SLC4A4: variants seen among roughly 807,000 people sequenced by gnomAD.
SLC4A4 encodes electrogenic sodium bicarbonate cotransporter 1.
Under a neutral mutation model 111.5 loss-of-function variants are expected in SLC4A4, and 27 were observed. The ratio of observed to expected loss-of-function variants is 0.24; its 90% CI spans 0.18 to 0.33. SLC4A4 has a LOEUF of 0.33. Ranked by LOEUF, SLC4A4 falls within the 10% of genes least tolerant of loss-of-function variation. The pLI is 1.00. For missense variants in SLC4A4, 909 were observed against 1,315.5 expected (o/e 0.69, Z 4.78); for synonymous variants, 443 against 463.4 (o/e 0.96, Z 0.57).
intron 14 of SLC4A4, among the ~76,000 whole-genome samples, chr4:71,486,595 T>TA (rs1362943890): frequency 3.3e-5 from 5 of 151,498 alleles, no homozygotes; most frequent in Non-Finnish European, 5.9e-5. Flanking sequence ...GTGGTCAACT[T>TA]AATCAATTAT....
chr4:71,439,252 C>T (rs1724449713), intron 7 of SLC4A4, among the ~76,000 whole-genome samples: 1 of 151,006 alleles, frequency 6.6e-6, no homozygotes, highest in Non-Finnish European at 1.5e-5. Flanking sequence ...TATGGTGAAA[C>T]TCTCTCTCTA....
chr4:71,283,185 A>T (rs1187728729), intron 3 of SLC4A4, among the ~76,000 whole-genome samples: 1 of 152,210 alleles, frequency 6.6e-6, no homozygotes, highest in Admixed American at 6.5e-5. Context: ...TTGGAACATC[A>T]TTGAAACCTT....
intron 11 of SLC4A4, among the ~76,000 whole-genome samples, chr4:71,452,031 G>T (rs1457655561): frequency 6.6e-6 from 1 of 151,920 alleles, no homozygotes; most frequent in Non-Finnish European, 1.5e-5. Flanking sequence ...CCTTTTATTG[G>T]GTGTTAAGTA....
chr4:71,377,218 ACTT>A (rs1324739965), intron 6 of SLC4A4, among the ~76,000 whole-genome samples: 1 of 152,220 alleles, frequency 6.6e-6, no homozygotes, highest in Non-Finnish European at 1.5e-5. Context: ...GATAACTGCT[ACTT>A]CTTTGTGTCT....
intron 2 of SLC4A4, among the ~76,000 whole-genome samples, chr4:71,146,959 T>A (rs1449459535): frequency 6.6e-6 from 1 of 151,704 alleles, no homozygotes; most frequent in Admixed American, 6.6e-5. Flanking sequence ...GGATAAAGAG[T>A]CAAGACCCAT....
At chr4:71,286,043 T>C (rs2579318) in intron 3 of SLC4A4, among the ~76,000 whole-genome samples, 20,974 of 151,980 alleles carry the variant, frequency 0.14, 2,203 homozygotes, top group African/African-American at 0.25. Flanking sequence ...TCGAGACCGT[T>C]CTGGCTAACA....
At chr4:71,171,694 C>T (rs1357960968) in intron 2 of SLC4A4, among the ~76,000 whole-genome samples, 1 of 152,176 alleles carries the variant, frequency 6.6e-6, no homozygotes, top group African/African-American at 2.4e-5. Context: ...TAGTACAGCA[C>T]CACTATACCT....
chr4:71,405,533 G>C (rs1720762555), intron 7 of SLC4A4, among the ~76,000 whole-genome samples: 1 of 152,058 alleles, frequency 6.6e-6, no homozygotes. Context: ...CCTTTAAGAA[G>C]TATCCTTATT....
chr4:71,521,439 G>A (rs184090253), intron 16 of SLC4A4, among the ~76,000 whole-genome samples: 20 of 152,050 alleles, frequency 1.3e-4, no homozygotes, highest in African/African-American at 3.6e-4. Flanking sequence ...TTACTGTGTC[G>A]CCCAGGCTAG....
intron 16 of SLC4A4, among the ~76,000 whole-genome samples, chr4:71,515,907 T>G (rs1732334967): frequency 6.6e-6 from 1 of 152,000 alleles, no homozygotes; most frequent in East Asian, 1.9e-4. Context: ...GCTACTTTTG[T>G]AAGTCCAGTC....
intron 3 of SLC4A4, among the ~76,000 whole-genome samples, chr4:71,287,518 C>G (rs868092574): frequency 6.6e-6 from 1 of 152,174 alleles, no homozygotes; most frequent in Non-Finnish European, 1.5e-5. Flanking sequence ...TACCAGCTGG[C>G]ATTTGACCTT....
chr4:71,468,163 C>T (rs1367702353), intron 13 of SLC4A4, among the ~76,000 whole-genome samples: 5 of 152,118 alleles, frequency 3.3e-5, no homozygotes, highest in Non-Finnish European at 4.4e-5. Flanking sequence ...AATCCCTTCT[C>T]TATCATAATT....
intron 14 of SLC4A4, among the ~76,000 whole-genome samples, chr4:71,481,263 G>A (rs950422178): frequency 4.0e-5 from 6 of 151,710 alleles, no homozygotes; most frequent in South Asian, 2.1e-4. Flanking sequence ...CATAAAAGCA[G>A]ACAGATATGA....
chr4:71,220,322 T>C (rs1029942362), intron 1 of SLC4A4, among the ~76,000 whole-genome samples: 1 of 152,202 alleles, frequency 6.6e-6, no homozygotes, highest in Non-Finnish European at 1.5e-5. Context: ...ATAATGCTAT[T>C]GCACACAATA....
chr4:71,336,460 A>C (rs1728440913), intron 3 of SLC4A4, among the ~76,000 whole-genome samples: 1 of 152,256 alleles, frequency 6.6e-6, no homozygotes, highest in South Asian at 2.1e-4. Context: ...TATTCAGTAC[A>C]CAGTAATTTA....
chr4:71,538,075 C>G (rs1325211018), intron 18 of SLC4A4, among the ~76,000 whole-genome samples: 1 of 148,536 alleles, frequency 6.7e-6, no homozygotes, highest in Admixed American at 6.9e-5. Context: ...TTTAGTTTAC[C>G]AAAGGCTAGA....
At chr4:71,372,333 A>C (rs1014236485) in intron 6 of SLC4A4, among the ~76,000 whole-genome samples, 1 of 152,238 alleles carries the variant, frequency 6.6e-6, no homozygotes, top group Non-Finnish European at 1.5e-5. Context: ...ACAAAACCAA[A>C]AATGATTTCC....
intron 2 of SLC4A4, among the ~76,000 whole-genome samples, chr4:71,095,252 A>C (rs1263563596): frequency 7.2e-5 from 11 of 152,214 alleles, no homozygotes; most frequent in Non-Finnish European, 1.5e-4. Context: ...GGAAAAGATC[A>C]ATGGGGAGAG....
chr4:71,484,473 G>A (rs1188769468), intron 14 of SLC4A4, among the ~76,000 whole-genome samples: 1 of 151,756 alleles, frequency 6.6e-6, no homozygotes, highest in Non-Finnish European at 1.5e-5. Context: ...AGATCAGATA[G>A]TTGTAGATGT....
Sources: gnomAD v4.1 joint callset for allele counts (sites outside exome capture counted in the v4.1 genomes callset) on GRCh38, gnomAD v4.1.1 for gene constraint, MANE v1.5 for transcripts, NCBI Gene and HGNC (gene_info 2026-07-23, HGNC 2026-07-21) for gene names.